SPATA9: variants seen among roughly 807,000 people sequenced by gnomAD.
SPATA9 encodes the protein spermatogenesis-associated protein 9.
In SPATA9, 27 loss-of-function variants were observed where a neutral mutation model predicts 25.5. That is an observed-to-expected ratio of 1.06 (90% CI 0.78 to 1.46). SPATA9 has a LOEUF of 1.46. SPATA9 is among the 40% of genes most tolerant of loss of function. The probability of loss-of-function intolerance (pLI) is 0.00; values close to 1 mark genes in which losing one functional copy is unlikely to be tolerated. For missense variants in SPATA9, 282 were observed against 297.5 expected, an observed-to-expected ratio of 0.95 and a Z score of 0.38; for synonymous variants, 102 against 105.7, an observed-to-expected ratio of 0.97 and a Z score of 0.21.
At chr5:95,664,572 C>T (rs1210256028) in intron 3 of SPATA9, among the ~76,000 whole-genome samples, 1 of 152,180 alleles carries the variant, frequency 6.6e-6, no homozygotes, top group South Asian at 2.1e-4. Context: ...TTATGAAACA[C>T]AGAGAAGTTT....
chr5:95,714,163 A>C, the SPATA9 span, among the ~76,000 whole-genome samples: 4 of 152,046 alleles, frequency 2.6e-5, no homozygotes, highest in Admixed American at 6.6e-5. Flanking sequence ...GCTAATTTTT[A>C]TTATTAAGCT....
the SPATA9 span, among the ~76,000 whole-genome samples, chr5:95,714,943 TC>T: frequency 6.6e-6 from 1 of 152,178 alleles, no homozygotes; most frequent in East Asian, 1.9e-4. Context: ...GAAAACTGAA[TC>T]CCATATTAAT....
chr5:95,652,862 G>C, downstream of SPATA9: 1 of 429,496 alleles, frequency 2.3e-6, no homozygotes, highest in Non-Finnish European at 4.0e-6. Context: ...CTGATTTCTG[G>C]GCATCCATTG....
chr5:95,658,545 A>AACTAG lies in SPATA9; in HGVS notation c.*73_*77dup. 3 of 1,482,202 alleles carry AACTAG rather than the reference A, an allele frequency of 2.0e-6. No homozygotes were observed. Among genetic ancestry groups the AACTAG allele is most frequent in the Non-Finnish European group, 2.7e-6 (3 of 1,117,768 alleles). 91.8% of individuals were successfully genotyped at this position (1,482,202 alleles called of 1,614,324 possible). On this transcript the variant is annotated 3_prime_UTR_variant, in exon 5 of 5. Transcript: ENST00000274432. The stretch of plus-strand genomic sequence containing the variant: ...AAAGCAGAGCAATTCAGAATATGTA[A>AACTAG]ACTAGACTCTGAGTTTTGTCAGATG...
In SPATA9 at chr5:95,669,311, C is replaced by T. The variant is rs7737820; in HGVS notation, c.379-5263G>A. ...CTCTTTCCCCGGGTCTAGATTATAC[C>T]AGCCAAGTTAGCCTCATGGCAGGCC... On this transcript the variant is annotated intron_variant, in intron 3 of 4. Transcript: ENST00000274432. 3.1e-3 allele frequency among the ~76,000 whole-genome samples: 471 copies of T among 152,200 alleles called. 1 individual carries two copies. Among genetic ancestry groups the T allele is most frequent in the African/African-American group, 0.01 (422 of 41,508 alleles).
chr5:95,660,773 T>C (rs896633736), intron 4 of SPATA9, among the ~76,000 whole-genome samples: 8 of 152,230 alleles, frequency 5.3e-5, no homozygotes, highest in African/African-American at 1.9e-4. Context: ...TCAAGGTCAG[T>C]ATCCTTCTAT....
At chr5:95,664,132 GAATT>G (rs1751537542) in intron 3 of SPATA9, 84 bp from the exon 4 acceptor site, 4 of 726,658 alleles carry the variant, frequency 5.5e-6, no homozygotes, top group Non-Finnish European at 8.2e-6. Flanking sequence ...TGTAAAATGA[GAATT>G]TATTTTTTTC....
intron 3 of SPATA9, among the ~76,000 whole-genome samples, chr5:95,668,584 C>T (rs1458423719): frequency 1.3e-5 from 2 of 152,024 alleles, no homozygotes; most frequent in African/African-American, 4.8e-5. Flanking sequence ...TTTATCTCAA[C>T]CTTGTTATAT....
At chr5:95,718,345 C>A in the SPATA9 span, among the ~76,000 whole-genome samples, 1 of 152,142 alleles carries the variant, frequency 6.6e-6, no homozygotes, top group Non-Finnish European at 1.5e-5. Flanking sequence ...ACACAAGGCA[C>A]TATCAGAGGG....
chr5:95,717,068 A>G, the SPATA9 span: 1 of 152,268 alleles, frequency 6.6e-6, no homozygotes, highest in Non-Finnish European at 1.5e-5. Flanking sequence ...TGGGGTCCAT[A>G]TATTCGGTTG....
At position 95,693,585 on chromosome 5, in the gene SPATA9, C is replaced by T. The variant is rs554916733; in HGVS notation, n.124+5003G>A. On this transcript the variant is annotated intron_variant and non_coding_transcript_variant, in intron 1 of 2. Coordinates refer to the SPATA9 transcript ENST00000379990. The stretch of plus-strand genomic sequence containing the variant: ...AAACTACAAAGAAAACCTTGAAAAA[C>T]CATTTCTTTCATTAGTAACTTGCTC... Among the ~76,000 whole-genome samples the T allele has an allele frequency of 6.2e-4, 94 of 152,246 alleles. 1 individual carries two copies. The highest frequency in any genetic ancestry group is 1.9e-3 in the African/African-American group (79 of 41,566).
chr5:95,731,884 AACGAGGGGG>A, the SPATA9 span: 1 of 1,613,184 alleles, frequency 6.2e-7, no homozygotes, highest in South Asian at 1.1e-5. Context: ...GGCGCTGGGG[AACGAGGGGG>A]ACACATTCCA....
At chr5:95,656,294 T>TA, downstream of SPATA9, 1 of 1,608,828 alleles carries the variant, frequency 6.2e-7, no homozygotes, top group Non-Finnish European at 8.5e-7. Flanking sequence ...TCAAAGTAAT[T>TA]AAGAGTTCTT....
At chr5:95,653,548 A>AAGG (rs1580262603), downstream of SPATA9, among the ~76,000 whole-genome samples, 7 of 152,324 alleles carry the variant, frequency 4.6e-5, no homozygotes, top group East Asian at 1.3e-3. Flanking sequence ...ATCCTCCCTA[A>AAGG]TTTTGGCAGT....
downstream of SPATA9, chr5:95,653,955 A>G (rs1220659570): frequency 1.3e-6 from 1 of 782,558 alleles, no homozygotes; most frequent in Non-Finnish European, 2.0e-6. Flanking sequence ...AAGTGCCTCC[A>G]TTAATCTTGA....
the SPATA9 span, chr5:95,732,016 G>A: frequency 6.2e-7 from 1 of 1,614,242 alleles, no homozygotes; most frequent in South Asian, 1.1e-5. Flanking sequence ...CGCGCGTCCG[G>A]TGTTCACCGA....
At chr5:95,715,118 G>A in the SPATA9 span, among the ~76,000 whole-genome samples, 1 of 152,114 alleles carries the variant, frequency 6.6e-6, no homozygotes, top group East Asian at 1.9e-4. Context: ...GAGGTCAGGA[G>A]ATCAAGACCA....
At chr5:95,710,319 G>A in the SPATA9 span, among the ~76,000 whole-genome samples, 1 of 152,218 alleles carries the variant, frequency 6.6e-6, no homozygotes, top group Admixed American at 6.5e-5. Flanking sequence ...GGGAGAGAAA[G>A]TCAAACGAGG....
At chr5:95,690,072 A>G (rs907881437) in intron 1 of SPATA9, among the ~76,000 whole-genome samples, 1 of 152,126 alleles carries the variant, frequency 6.6e-6, no homozygotes, top group Non-Finnish European at 1.5e-5. Context: ...ATGAGAAAAA[A>G]TATTGGGTAC....
Sources: gnomAD v4.1 joint callset for allele counts (sites outside exome capture counted in the v4.1 genomes callset) on GRCh38, gnomAD v4.1.1 for gene constraint, MANE v1.5 for transcripts, NCBI Gene and HGNC (gene_info 2026-07-23, HGNC 2026-07-21) for gene names.